Variants in ATP1A2 observed in about 807,000 individuals in gnomAD.
ATP1A2 encodes the protein sodium/potassium-transporting ATPase subunit alpha-2.
Under a neutral mutation model 113.1 loss-of-function variants are expected in ATP1A2, and 56 were observed. That is an observed-to-expected ratio of 0.49 (90% CI 0.40 to 0.62). ATP1A2 has a LOEUF of 0.62. Ranked by LOEUF, ATP1A2 falls within the 20% of genes least tolerant of loss-of-function variation. The pLI, the probability that ATP1A2 is intolerant of heterozygous loss-of-function variation, is 0.00. For synonymous variants in ATP1A2, 490 were observed against 526.8 expected (o/e 0.93, Z 0.96); for missense variants, 712 against 1,357.8 (o/e 0.52, Z 7.47).
In ATP1A2 at chr1:160,118,863, C is replaced by T. The variant is rs554415237; in HGVS notation, c.13-2043C>T. On this transcript the variant is annotated intron_variant, in intron 1 of 22. Transcript: ENST00000361216. The stretch of plus-strand genomic sequence containing the variant: ...TATGAACAAGGCAGCTGCCATACTT[C>T]TGGGATTGCTCCTGACTCTGATAAG... Among the ~76,000 whole-genome samples, 3 of 152,162 alleles carry T rather than the reference C, an allele frequency of 2.0e-5. No homozygotes were observed. In the East Asian group the frequency reaches 5.8e-4, roughly 29 times the overall value.
intron 7 of ATP1A2, among the ~76,000 whole-genome samples, chr1:160,126,099 TC>T (rs1651578901): frequency 2.0e-5 from 3 of 152,142 alleles, no homozygotes; most frequent in Admixed American, 6.5e-5. Context: ...GTGGTTTTTT[TC>T]CCTTCTTCGA....
intron 8 of ATP1A2, 89 bp downstream of exon 8, chr1:160,127,909 A>C: frequency 1.7e-5 from 25 of 1,497,648 alleles, no homozygotes; most frequent in Non-Finnish European, 2.1e-5. Flanking sequence ...GTAGCTTCTC[A>C]CTACTTTTTC....
At chr1:160,139,472 A>T (rs987005376) in intron 20 of ATP1A2, among the ~76,000 whole-genome samples, 168 bp from the exon 21 acceptor site, 1 of 152,260 alleles carries the variant, frequency 6.6e-6, no homozygotes, top group African/African-American at 2.4e-5. Context: ...AAAAACAAAT[A>T]ACATCTTCCT....
At chr1:160,138,773 G>A (rs1258699081) in intron 20 of ATP1A2, among the ~76,000 whole-genome samples, 6 of 152,096 alleles carry the variant, frequency 3.9e-5, no homozygotes, top group Non-Finnish European at 2.9e-5. Context: ...CCCAAGAGGT[G>A]GAGGTTACAG....
In ATP1A2 at chr1:160,134,072, AC is replaced by A. The variant is rs1306393728; in HGVS notation, c.1828-406del. Among the ~76,000 whole-genome samples the A allele has an allele frequency of 5.5e-4, 67 of 121,212 alleles. 1 individual carries two copies. The highest frequency in any genetic ancestry group is 1.8e-3 in the African/African-American group (57 of 31,460). The allele number at this position is 121,212 out of a possible 152,430, so 79.5% of individuals were successfully genotyped here. A position where few individuals can be genotyped will look rare whatever the true frequency, so the allele number is the denominator to read the frequency against. ...ACACACATAGACACACACAATCCCCACCCCCCACACACACATCTCACACACA... is the reference window on the plus strand; with the variant it reads ...ACACACATAGACACACACAATCCCCACCCCCACACACACATCTCACACACA... On this transcript the variant is annotated intron_variant, in intron 13 of 22. Coordinates refer to ENST00000361216, the MANE Select transcript of ATP1A2 (RefSeq NM_000702.4).
In ATP1A2 at chr1:160,128,891, G is replaced by A. The variant is rs566242283; in HGVS notation, c.1216+41G>A. On this transcript the variant is annotated intron_variant, in intron 9 of 22. Transcript: ENST00000361216. The stretch of plus-strand genomic sequence containing the variant: ...AGAGGGGGTGGATAGGATTAGAGGA[G>A]GCTGAGGGCAGTGGCGTGGTGGGGT... The A allele has an allele frequency of 8.1e-6, 13 of 1,613,000 alleles. No homozygotes were observed. In the African/African-American group the frequency reaches 1.2e-4, roughly 15 times the overall value.
At chr1:160,127,357 G>A (rs896686441) in intron 7 of ATP1A2, among the ~76,000 whole-genome samples, 195 bp from the exon 8 acceptor site, 1 of 152,226 alleles carries the variant, frequency 6.6e-6, no homozygotes, top group Non-Finnish European at 1.5e-5. Flanking sequence ...ATAATTTGCT[G>A]TTGTATTGAT....
rs892938876 is a variant in ATP1A2, at chr1:160,141,532, A to G, written c.*210A>G. 1.2e-5 allele frequency: 8 copies of G among 650,772 alleles called. No homozygotes were observed. Among genetic ancestry groups the G allele is most frequent in the Non-Finnish European group, 2.2e-5 (8 of 358,752 alleles). The allele number at this position is 650,772 out of a possible 1,614,324, so 40.3% of individuals were successfully genotyped here. ...ACTGTGAACAATCAGATTAGACACT[A>G]TGTGTTAGAGTCCCCCCGACCAGAT... On this transcript the variant is annotated 3_prime_UTR_variant, in exon 23 of 23. Transcript: ENST00000361216.
chr1:160,141,007 C>T (rs144179433), intron 22 of ATP1A2, among the ~76,000 whole-genome samples: 16 of 152,162 alleles, frequency 1.1e-4, no homozygotes, highest in African/African-American at 3.4e-4. Context: ...GGATTGCAGG[C>T]GCATGCCACT....
intron 3 of ATP1A2, among the ~76,000 whole-genome samples, chr1:160,122,207 A>G (rs1301087842): frequency 2.6e-5 from 4 of 152,172 alleles, no homozygotes; most frequent in Admixed American, 2.0e-4. Flanking sequence ...TGCTCTTTCT[A>G]AAATTCTATG....
At chr1:160,130,759 T>G (rs1365672393) in intron 13 of ATP1A2, among the ~76,000 whole-genome samples, 162 bp downstream of exon 13, 1 of 152,206 alleles carries the variant, frequency 6.6e-6, no homozygotes, top group Non-Finnish European at 1.5e-5. Context: ...ACCCCTGCCT[T>G]GGGGCACTCA....
chr1:160,123,508 C>T, intron 4 of ATP1A2, 92 bp downstream of exon 4: 1 of 1,513,534 alleles, frequency 6.6e-7, no homozygotes, highest in Non-Finnish European at 9.2e-7. Flanking sequence ...GAACAAGGCC[C>T]TCACATAACA....
At chr1:160,128,215 TTC>T (rs1039756983) in intron 8 of ATP1A2, among the ~76,000 whole-genome samples, 34 of 152,180 alleles carry the variant, frequency 2.2e-4, no homozygotes, top group Non-Finnish European at 1.0e-4. Context: ...CCTCCTACCA[TTC>T]TCTCTTTTGT....
At chr1:160,137,128 T>C in intron 20 of ATP1A2, 97 bp downstream of exon 20, 1 of 1,587,720 alleles carries the variant, frequency 6.3e-7, no homozygotes, top group African/African-American at 1.3e-5. Context: ...GGACCAGAGC[T>C]GTAAGGAGGG....
In ATP1A2 at chr1:160,115,965, GGAGA is replaced by G. The variant is rs1335897560; in HGVS notation, c.12+96_12+99del. The G allele has an allele frequency of 1.0e-5, 16 of 1,534,458 alleles. No homozygotes were observed. The East Asian group carries it at 3.8e-4, about 37-fold the overall frequency. On this transcript the variant is annotated intron_variant, in intron 1 of 22. Coordinates refer to ENST00000361216, the MANE Select transcript of ATP1A2 (RefSeq NM_000702.4). ...GTGGGAATGGGATGTGGAAGGAGCG[GGAGA>G]GAGGAGCTGAGTGGGATACTTGGAA...
intron 8 of ATP1A2, 149 bp from the exon 9 acceptor site, chr1:160,128,503 T>G: frequency 1.9e-6 from 3 of 1,541,398 alleles, no homozygotes; most frequent in Non-Finnish European, 2.6e-6. Flanking sequence ...CATCTAAAAT[T>G]GAACATTCAT....
chr1:160,136,642 G>A lies in ATP1A2; in HGVS notation c.2636G>A (p.Arg879Gln), dbSNP rs761597771. The change falls in exon 19 of 23, where the codon CGG (arginine) becomes CAG (glutamine). Residue 879 changes from arginine to glutamine, a missense_variant. By Grantham distance (43) the Arg-to-Gln change is conservative. This residue lies in a region of ATP1A2 where 188 missense variants were observed against 438.9 expected (regional missense o/e 0.43). Coordinates refer to ENST00000361216, the MANE Select transcript of ATP1A2 (RefSeq NM_000702.4). ...GCAGAGAACGGTTTCCTGCCATCAC[G>A]GCTACTGGGAATCCGCCTCGACTGG... ...ILAENGFLPS[R>Q]LLGIRLDWDD... 69 of 1,614,074 alleles carry A rather than the reference G, an allele frequency of 4.3e-5. 1 individual carries two copies. The South Asian group carries it at 4.6e-4, about 11-fold the overall frequency.
rs373494736 is a variant in ATP1A2 at position 160,140,522 on chromosome 1, T to G, written c.3034+538T>G. ...TGACCTGTGCCATATTTTGTGTGTG[T>G]GGGGGGAGGAGGGTGGATTAATTGG... On this transcript the variant is annotated intron_variant, in intron 22 of 22. Transcript: ENST00000361216. The G allele has an allele frequency of 5.4e-4, 94 of 172,584 alleles. 1 individual carries two copies. The highest frequency in any genetic ancestry group is 2.9e-3 in the Middle Eastern group (1 of 342). The allele number at this position is 172,584 out of a possible 1,614,324, so 10.7% of individuals were successfully genotyped here.
At chr1:160,132,981 T>TAGA in intron 13 of ATP1A2, among the ~76,000 whole-genome samples, 1 of 152,112 alleles carries the variant, frequency 6.6e-6, no homozygotes, top group South Asian at 2.1e-4. Flanking sequence ...CATGACCACC[T>TAGA]AGAAAGGCAG....
Sources: gnomAD v4.1 joint callset for allele counts (sites outside exome capture counted in the v4.1 genomes callset) on GRCh38, gnomAD v4.1.1 for gene constraint, gnomAD v4.1.1 regional missense constraint, MANE v1.5 for transcripts, NCBI Gene and HGNC (gene_info 2026-07-23, HGNC 2026-07-21) for gene names.